SMG1: variants seen among roughly 807,000 people sequenced by gnomAD.
SMG1 encodes the protein SMG1 nonsense mediated mRNA decay associated PI3K related kinase.
Under a neutral mutation model 419.9 loss-of-function variants are expected in SMG1, and 22 were observed. That is an observed-to-expected ratio of 0.05 (90% CI 0.04 to 0.07). The LOEUF (loss-of-function observed/expected upper bound fraction) is 0.07, where lower values mean the gene tolerates loss of function less well. SMG1 is among the 10% of genes least tolerant of loss of function. The probability of loss-of-function intolerance (pLI) is 1.00; values close to 1 mark genes in which losing one functional copy is unlikely to be tolerated. For synonymous variants in SMG1, 1,538 were observed against 1,553.5 expected (o/e 0.99, Z 0.23); for missense variants, 3,185 against 4,342.0 (o/e 0.73, Z 7.49).
chr16:18,922,767 A>G (rs1321935790), intron 1 of SMG1, among the ~76,000 whole-genome samples: 1 of 151,996 alleles, frequency 6.6e-6, no homozygotes, highest in African/African-American at 2.4e-5. Flanking sequence ...GGTGTGAGCC[A>G]CTGCCCCCGG....
intron 35 of SMG1, among the ~76,000 whole-genome samples, chr16:18,849,741 A>G (rs1208960031): frequency 6.6e-6 from 1 of 152,194 alleles, no homozygotes; most frequent in Non-Finnish European, 1.5e-5. Context: ...TTTGTATATA[A>G]AAAGCTCCTG....
At chr16:18,885,812 AAAT>A in intron 6 of SMG1, 146 bp from the exon 7 acceptor site, 3 of 750,456 alleles carry the variant, frequency 4.0e-6, no homozygotes, top group Non-Finnish European at 4.1e-6. Flanking sequence ...AAAAAAAAAA[AAAT>A]TGACTTGTAA....
intron 23 of SMG1, 168 bp downstream of exon 23, chr16:18,866,453 C>T (rs951862760): frequency 1.5e-5 from 10 of 670,370 alleles, no homozygotes; most frequent in African/African-American, 5.4e-5. Context: ...AGTATTGCTG[C>T]TAACTAAAGA....
At chr16:18,819,265 AAC>A (rs1013270911) in intron 56 of SMG1, among the ~76,000 whole-genome samples, 6 of 152,246 alleles carry the variant, frequency 3.9e-5, no homozygotes, top group African/African-American at 1.4e-4. Context: ...TTTATTTTTC[AAC>A]AGAGGCTGAA....
At chr16:18,861,619 G>A (rs2035221946) in intron 25 of SMG1, 2 of 152,350 alleles carry the variant, frequency 1.3e-5, no homozygotes, top group East Asian at 1.9e-4. Context: ...TGCAACCACT[G>A]GCTTCTCAGG....
chr16:18,903,283 C>A (rs1436813468), intron 1 of SMG1, among the ~76,000 whole-genome samples: 1 of 152,124 alleles, frequency 6.6e-6, no homozygotes. Context: ...TCCAGGAGGG[C>A]AGTAGATCTG....
In SMG1 at chr16:18,893,423, G is replaced by A. The variant is rs1485459984; in HGVS notation, c.413-1069C>T. On this transcript the variant is annotated intron_variant, in intron 3 of 62. Coordinates refer to ENST00000446231, the MANE Select transcript of SMG1 (RefSeq NM_015092.5). Reference sequence around the variant, plus strand: ...GCAGATCACTTGAGCCCAGGAGTTCGAGACCAGCCTGGGCAACATGGTAAA... The same window carrying A: ...GCAGATCACTTGAGCCCAGGAGTTCAAGACCAGCCTGGGCAACATGGTAAA... 6.6e-5 allele frequency among the ~76,000 whole-genome samples: 10 copies of A among 152,106 alleles called. 1 individual carries two copies. The East Asian group carries it at 7.7e-4, about 12-fold the overall frequency.
rs914982813 is a variant in SMG1 at position 18,877,165 on chromosome 16, T to G, written c.1586A>C (p.Lys529Thr). ...FVEKLFIPSS[K>T]LLFLRYHKEK... Reference sequence around the variant, plus strand: ...TTTATGATAACGCAAGAATAGTAGTTTAGATGATGGTATAAACAGTTTTTC... The same window carrying G: ...TTTATGATAACGCAAGAATAGTAGTGTAGATGATGGTATAAACAGTTTTTC... Residue 529 changes from lysine to threonine, a missense_variant, in exon 12 of 63, where the codon AAA becomes ACA. Physicochemically the swap from Lys to Thr is moderately conservative, Grantham distance 78. This residue lies in a region of SMG1 where 297 missense variants were observed against 491.0 expected (regional missense o/e 0.60). Transcript: ENST00000446231. 1.9e-6 allele frequency: 3 copies of G among 1,558,826 alleles called. No homozygotes were observed. In the African/African-American group the frequency reaches 4.0e-5, roughly 21 times the overall value.
At chr16:18,879,860 G>A in intron 10 of SMG1, 141 bp from the exon 11 acceptor site, 1 of 753,922 alleles carries the variant, frequency 1.3e-6, no homozygotes, top group Admixed American at 2.2e-5. Context: ...CTAGTTCTCA[G>A]TAGTTGAATA....
At chr16:18,828,254 G>T (rs2032899244) in intron 54 of SMG1, 86 bp from the exon 55 acceptor site, 3 of 1,357,376 alleles carry the variant, frequency 2.2e-6, no homozygotes, top group Non-Finnish European at 1.0e-6. Context: ...CCTAGGACTG[G>T]CGGAAGAGAA....
chr16:18,887,672 TAAAAAAA>T (rs368196825), intron 6 of SMG1, among the ~76,000 whole-genome samples: 3 of 65,714 alleles, frequency 4.6e-5, no homozygotes, highest in Admixed American at 2.3e-4. Flanking sequence ...ACTTTTTATT[TAAAAAAA>T]AAAAAAAAAA....
Position 18,860,653 on chromosome 16 carries a change from A to C in SMG1, c.3805+14T>G. The C allele has an allele frequency of 1.6e-6, 2 of 1,258,452 alleles. No individual in the cohort carries two copies. The highest frequency in any genetic ancestry group is 2.3e-6 in the Non-Finnish European group (2 of 888,322). 78.0% of individuals were successfully genotyped at this position (1,258,452 alleles called of 1,614,324 possible). On this transcript the variant is annotated intron_variant, in intron 26 of 62. Coordinates refer to ENST00000446231, the MANE Select transcript of SMG1 (RefSeq NM_015092.5). ...TGTCCACTAAAATAACTTTAAAACT[A>C]TTTTCTCAAATACCTATTTTTTCTT...
intron 3 of SMG1, among the ~76,000 whole-genome samples, chr16:18,893,255 T>C (rs1184281721): frequency 2.6e-5 from 4 of 152,134 alleles, no homozygotes; most frequent in African/African-American, 4.8e-5. Context: ...CCACAACTTT[T>C]CTCCCCTTAT....
intron 1 of SMG1, among the ~76,000 whole-genome samples, chr16:18,910,179 AC>A (rs1567456442): frequency 6.8e-6 from 1 of 147,524 alleles, no homozygotes; most frequent in African/African-American, 2.5e-5. Flanking sequence ...CAATCCTCCC[AC>A]CTCAGCCTCC....
intron 38 of SMG1, among the ~76,000 whole-genome samples, chr16:18,845,972 C>T (rs1468809273): frequency 3.3e-5 from 5 of 151,990 alleles, no homozygotes; most frequent in East Asian, 1.9e-4. Context: ...CGCGACACCA[C>T]GCCCAGCTAA....
intron 51 of SMG1, among the ~76,000 whole-genome samples, 170 bp from the exon 52 acceptor site, chr16:18,830,539 G>C (rs2033101257): frequency 6.6e-6 from 1 of 152,140 alleles, no homozygotes; most frequent in African/African-American, 2.4e-5. Context: ...CTGTAATCCA[G>C]CACTTTGGCA....
intron 54 of SMG1, among the ~76,000 whole-genome samples, 159 bp downstream of exon 54, chr16:18,829,127 T>C (rs542684609): frequency 6.6e-6 from 1 of 152,272 alleles, no homozygotes; most frequent in Non-Finnish European, 1.5e-5. Flanking sequence ...CGAAGTATCA[T>C]TGGAAAGAAA....
intron 54 of SMG1, 111 bp downstream of exon 54, chr16:18,829,175 G>C (rs1172793424): frequency 2.3e-6 from 2 of 856,490 alleles, no homozygotes; most frequent in African/African-American, 1.7e-5. Flanking sequence ...TTGGGTTGCT[G>C]TGAGTTCAGG....
At chr16:18,901,484 G>T (rs544989683) in intron 1 of SMG1, among the ~76,000 whole-genome samples, 1,952 of 152,248 alleles carry the variant, frequency 0.013, 52 homozygotes, top group African/African-American at 0.045. Context: ...AAAATGCTAG[G>T]ATTAGAAGCA....
Sources: allele counts gnomAD v4.1 joint callset (sites outside exome capture counted in the v4.1 genomes callset), GRCh38; gene constraint gnomAD v4.1.1; regional missense constraint gnomAD v4.1.1; transcripts MANE v1.5; gene names NCBI Gene and HGNC (gene_info 2026-07-23, HGNC 2026-07-21).